Variants in DPP10 observed in about 807,000 individuals in gnomAD.
DPP10 encodes the protein inactive dipeptidyl peptidase 10.
Under a neutral mutation model 120.9 loss-of-function variants are expected in DPP10, and 33 were observed. The observed-to-expected ratio is 0.27, with a 90% CI of 0.21 to 0.37. DPP10 has a LOEUF of 0.37. Among genes scored for constraint, DPP10 ranks in the 10% least tolerant of loss-of-function variants. The pLI is 1.00. For missense variants in DPP10, 816 were observed against 942.8 expected (o/e 0.87, Z 1.76); for synonymous variants, 337 against 326.1 (o/e 1.03, Z -0.36).
At chr2:115,374,732 C>A (rs1481430387) in intron 3 of DPP10, among the ~76,000 whole-genome samples, 1 of 152,224 alleles carries the variant, frequency 6.6e-6, no homozygotes, top group African/African-American at 2.4e-5. Flanking sequence ...CCTGCAGGCC[C>A]AACACCATGT....
intron 5 of DPP10, among the ~76,000 whole-genome samples, chr2:115,633,066 C>T (rs1051220655): frequency 6.6e-6 from 1 of 152,180 alleles, no homozygotes; most frequent in African/African-American, 2.4e-5. Flanking sequence ...TTTGACCCAG[C>T]CATCCCATTA....
intron 1 of DPP10, among the ~76,000 whole-genome samples, chr2:114,798,850 T>C (rs1270249727): frequency 1.3e-5 from 2 of 152,152 alleles, no homozygotes; most frequent in Non-Finnish European, 2.9e-5. Context: ...ATTATGGGGC[T>C]GGGCATGGTT....
chr2:114,617,733 C>A (rs187177226), intron 1 of DPP10, among the ~76,000 whole-genome samples: 1 of 152,032 alleles, frequency 6.6e-6, no homozygotes, highest in Admixed American at 6.6e-5. Flanking sequence ...AGTGGGTATG[C>A]GAGTAAATTC....
At chr2:115,506,418 GAAAT>G (rs1247239843) in intron 4 of DPP10, among the ~76,000 whole-genome samples, 4 of 152,116 alleles carry the variant, frequency 2.6e-5, no homozygotes, top group African/African-American at 9.6e-5. Flanking sequence ...GAGACCCAGA[GAAAT>G]AAAGAGACTT....
intron 3 of DPP10, among the ~76,000 whole-genome samples, chr2:115,383,372 T>C (rs1226763824): frequency 6.6e-6 from 1 of 152,226 alleles, no homozygotes; most frequent in Non-Finnish European, 1.5e-5. Context: ...TGCCTTTCAC[T>C]TTCTGCCATG....
intron 2 of DPP10, among the ~76,000 whole-genome samples, chr2:115,327,179 T>C (rs1351615537): frequency 6.6e-6 from 1 of 152,246 alleles, no homozygotes; most frequent in East Asian, 1.9e-4. Flanking sequence ...TAACAGGCAG[T>C]ACAGGTTTGC....
chr2:114,876,852 A>T (rs893847349), intron 1 of DPP10, among the ~76,000 whole-genome samples: 2 of 152,070 alleles, frequency 1.3e-5, no homozygotes, highest in African/African-American at 4.8e-5. Context: ...TGCGAAATGA[A>T]AGTGTAGGGT....
chr2:115,156,404 T>C (rs1413089994), intron 1 of DPP10, among the ~76,000 whole-genome samples: 1 of 152,212 alleles, frequency 6.6e-6, no homozygotes, highest in Non-Finnish European at 1.5e-5. Context: ...TCTCTTGTTT[T>C]CTAGGGGAAA....
intron 1 of DPP10, among the ~76,000 whole-genome samples, chr2:114,522,107 G>A (rs7565160): frequency 0.031 from 4,593 of 147,694 alleles, 202 homozygotes; most frequent in African/African-American, 0.1. Context: ...AGCCTCCCAA[G>A]TAGCTGGGAC....
intron 1 of DPP10, among the ~76,000 whole-genome samples, chr2:115,205,055 G>T (rs1374680907): frequency 6.6e-6 from 1 of 152,014 alleles, no homozygotes; most frequent in African/African-American, 2.4e-5. Context: ...TGTTTACTTT[G>T]TATATAGTTT....
At chr2:115,337,286 T>C (rs974820432) in intron 2 of DPP10, among the ~76,000 whole-genome samples, 4 of 151,764 alleles carry the variant, frequency 2.6e-5, no homozygotes, top group East Asian at 1.9e-4. Flanking sequence ...CACTAAGGAG[T>C]TGGATTTCAG....
At chr2:115,818,813 T>C (rs1232505270) in intron 21 of DPP10, among the ~76,000 whole-genome samples, 2 of 152,192 alleles carry the variant, frequency 1.3e-5, no homozygotes, top group African/African-American at 2.4e-5. Flanking sequence ...CAAATCGTCA[T>C]TGTATACTTG....
intron 5 of DPP10, among the ~76,000 whole-genome samples, chr2:115,605,602 G>T (rs2083652988): frequency 6.6e-6 from 1 of 151,998 alleles, no homozygotes; most frequent in Non-Finnish European, 1.5e-5. Context: ...AGAAAGAAAA[G>T]GGAGAGAAAG....
intron 1 of DPP10, among the ~76,000 whole-genome samples, chr2:115,058,984 G>A (rs527824069): frequency 2.0e-5 from 3 of 152,070 alleles, no homozygotes; most frequent in African/African-American, 7.2e-5. Context: ...GTGACCCCAG[G>A]TGAATCTCAA....
intron 14 of DPP10, 65 bp from the exon 15 acceptor site, chr2:115,777,722 A>C (rs568974096): frequency 6.4e-7 from 1 of 1,553,304 alleles, no homozygotes; most frequent in East Asian, 2.3e-5. Flanking sequence ...ACAATGTGAC[A>C]AAATTCACAG....
chr2:114,484,930 C>T (rs937056609), intron 1 of DPP10, among the ~76,000 whole-genome samples: 9 of 151,244 alleles, frequency 6.0e-5, no homozygotes, highest in Non-Finnish European at 1.3e-4. Flanking sequence ...CATTGGGCTG[C>T]TTCTAAGATT....
intron 3 of DPP10, among the ~76,000 whole-genome samples, chr2:115,394,004 A>C (rs570956950): frequency 3.0e-4 from 46 of 152,336 alleles, no homozygotes; most frequent in African/African-American, 8.9e-4. Flanking sequence ...GATTGGTGCC[A>C]TGAAGTGAGA....
intron 1 of DPP10, among the ~76,000 whole-genome samples, chr2:114,957,428 A>G (rs1198482654): frequency 6.6e-6 from 1 of 152,172 alleles, no homozygotes; most frequent in Non-Finnish European, 1.5e-5. Flanking sequence ...TAGAATGGCT[A>G]TTATCAAAGT....
At chr2:115,358,304 T>C (rs2064539376) in intron 3 of DPP10, among the ~76,000 whole-genome samples, 1 of 152,202 alleles carries the variant, frequency 6.6e-6, no homozygotes, top group Non-Finnish European at 1.5e-5. Context: ...TTCACATGTC[T>C]CTAGGGCAGG....
Sources: allele counts gnomAD v4.1 joint callset (sites outside exome capture counted in the v4.1 genomes callset), GRCh38; gene constraint gnomAD v4.1.1; transcripts MANE v1.5; gene names NCBI Gene and HGNC (gene_info 2026-07-23, HGNC 2026-07-21).